CD81: variants seen among roughly 807,000 people sequenced by gnomAD.
CD81 encodes CD81 molecule.
Under a neutral mutation model 30.1 loss-of-function variants are expected in CD81, and 10 were observed. The ratio of observed to expected loss-of-function variants is 0.33; its 90% CI spans 0.21 to 0.56. The LOEUF (loss-of-function observed/expected upper bound fraction) is 0.56, where lower values mean the gene tolerates loss of function less well. CD81 is among the 20% of genes least tolerant of loss of function. CD81 has a pLI of 0.89. For synonymous variants in CD81, 147 were observed against 126.4 expected (o/e 1.16, Z -1.10); for missense variants, 263 against 308.7 (o/e 0.85, Z 1.11).
chr11:2,390,165 C>T, intron 1 of CD81: 1 of 608,384 alleles, frequency 1.6e-6, no homozygotes. Context: ...CAGTCCTGCC[C>T]TGGAGTCACA....
At position 2,377,636 on chromosome 11, in the gene CD81, CG is replaced by C. The variant is rs1189585066; in HGVS notation, c.66+25del. 3 of 1,485,502 alleles carry C rather than the reference CG, an allele frequency of 2.0e-6. No individual in the cohort carries two copies. The highest frequency in any genetic ancestry group is 1.9e-5 in the Admixed American group (1 of 53,102). The allele number at this position is 1,485,502 out of a possible 1,614,324, so 92.0% of individuals were successfully genotyped here. ...TCTGGGTAAGGGCTGCGCCGGGGGCCGGGGCGGGAGGGGGCAGGCACACACT... is the reference window on the plus strand; with the variant it reads ...TCTGGGTAAGGGCTGCGCCGGGGGCCGGGCGGGAGGGGGCAGGCACACACT... On this transcript the variant is annotated intron_variant, in intron 1 of 7. Transcript: ENST00000263645. The surrounding 1 kb of genome is among the most constrained non-coding windows in gnomAD (Gnocchi z 7.7).
intron 1 of CD81, chr11:2,379,028 C>T (rs1190933528): frequency 9.9e-6 from 4 of 404,668 alleles, no homozygotes; most frequent in East Asian, 7.3e-5. Flanking sequence ...CTGTGGCCTT[C>T]GGCACTGCCC....
intron 1 of CD81, among the ~76,000 whole-genome samples, chr11:2,388,353 G>A (rs1849833592): frequency 6.6e-6 from 1 of 152,148 alleles, no homozygotes. Context: ...ACCCTAGACC[G>A]GCCTGACCGG....
intron 1 of CD81, among the ~76,000 whole-genome samples, chr11:2,383,593 G>T (rs1589846737): frequency 6.6e-6 from 1 of 152,182 alleles, no homozygotes; most frequent in African/African-American, 2.4e-5. Context: ...TGGCTGAGCC[G>T]AATGGGCACT....
chr11:2,395,512 C>A lies in CD81; in HGVS notation c.451C>A (p.His151Asn). The A allele has an allele frequency of 6.2e-7, 1 of 1,612,274 alleles. No individual in the cohort carries two copies. The highest frequency in any genetic ancestry group is 8.5e-7 in the Non-Finnish European group (1 of 1,179,546). ...NNAKAVVKTFHETLDCCGSST... is the reference protein window; with the variant it reads ...NNAKAVVKTFNETLDCCGSST... ...CGCCAAGGCTGTGGTGAAGACCTTC[C>A]ACGAGACGGTGCGGCCCCGGGGGGC... is the stretch of plus-strand genomic sequence containing the variant. Residue 151 changes from histidine (H) to asparagine (N), a missense_variant, in exon 5 of 8, where the codon CAC (histidine) becomes AAC (asparagine). Physicochemically the swap from His to Asn is moderately conservative, Grantham distance 68 (BLOSUM62 1). Around this residue, in one of 3 missense-constraint regions of CD81, gnomAD observed 176 missense variants for 192.9 expected, o/e 0.91. Coordinates refer to ENST00000263645, the MANE Select transcript of CD81 (RefSeq NM_004356.4).
intron 6 of CD81, 154 bp from the exon 7 acceptor site, chr11:2,396,474 T>C (rs1322432017): frequency 1.8e-5 from 13 of 727,124 alleles, no homozygotes; most frequent in Non-Finnish European, 3.2e-5. Flanking sequence ...GCCGGGCCGC[T>C]GCACCCGCCT....
At chr11:2,387,163 G>A (rs1338664071) in intron 1 of CD81, among the ~76,000 whole-genome samples, 1 of 152,184 alleles carries the variant, frequency 6.6e-6, no homozygotes, top group Non-Finnish European at 1.5e-5. Flanking sequence ...GGGGGTGGAT[G>A]GGCCTCTACA....
chr11:2,394,754 G>A (rs1258567532), intron 3 of CD81: 3 of 631,714 alleles, frequency 4.7e-6, no homozygotes, highest in Non-Finnish European at 5.8e-6. Context: ...GCCTGGTGCC[G>A]CGTGGGGACA....
At chr11:2,396,053 G>A in intron 6 of CD81, 83 bp downstream of exon 6, 3 of 809,026 alleles carry the variant, frequency 3.7e-6, no homozygotes, top group Non-Finnish European at 6.0e-6. Flanking sequence ...AGGTCACACG[G>A]CAGCCCCACA....
At position 2,395,284 on chromosome 11, in the gene CD81, C is replaced by T. The variant is rs1849975731; in HGVS notation, c.355-132C>T. ...GCAGCTGAGAGTGCAGAGTCCTTGTCCTCTGGGGTCTAGCCTCGAAGCCAC... is the reference window on the plus strand; with the variant it reads ...GCAGCTGAGAGTGCAGAGTCCTTGTTCTCTGGGGTCTAGCCTCGAAGCCAC... On this transcript the variant is annotated intron_variant, in intron 4 of 7. Coordinates refer to ENST00000263645, the MANE Select transcript of CD81 (RefSeq NM_004356.4). The T allele has an allele frequency of 7.6e-6, 6 of 792,014 alleles. No individual in the cohort carries two copies. The South Asian group carries it at 8.9e-5, about 12-fold the overall frequency. The allele number at this position is 792,014 out of a possible 1,614,324, so 49.1% of individuals were successfully genotyped here.
At chr11:2,395,835 TC>T in intron 5 of CD81, 33 bp from the exon 6 acceptor site, 1 of 1,468,186 alleles carries the variant, frequency 6.8e-7, no homozygotes, top group Non-Finnish European at 9.5e-7. Flanking sequence ...CCTGGGCACA[TC>T]CAGGGCTGAC....
intron 2 of CD81, chr11:2,391,799 C>G (rs1410274274): frequency 6.6e-6 from 1 of 152,244 alleles, no homozygotes; most frequent in Non-Finnish European, 1.5e-5. Context: ...GCGCTCCTGC[C>G]TGTGTCCTCA....
At chr11:2,391,087 TGGAGGAGGAGGAGGGGAGGGGCAAGGCCA>T (rs1849891284) in intron 2 of CD81, 2 of 206,500 alleles carry the variant, frequency 9.7e-6, no homozygotes, top group South Asian at 1.7e-4. Context: ...GCAGGAGTGA[TGGAGGAGGAGGAGGGGAGGGGCAAGGCCA>T]GGAGGAGGAG....
intron 2 of CD81, among the ~76,000 whole-genome samples, chr11:2,390,859 G>T (rs186559480): frequency 0.014 from 2,057 of 152,058 alleles, 26 homozygotes; most frequent in Non-Finnish European, 0.021. Flanking sequence ...CAGAGCAGCC[G>T]AGGCAGCTGG....
intron 5 of CD81, 52 bp downstream of exon 5, chr11:2,395,572 G>C (rs1291919056): frequency 4.3e-6 from 6 of 1,404,118 alleles, no homozygotes; most frequent in Non-Finnish European, 6.0e-6. Flanking sequence ...AACCCGGCGG[G>C]GTGTGTCTCG....
chr11:2,393,844 G>A (rs1215399140), intron 2 of CD81: 15 of 659,654 alleles, frequency 2.3e-5, no homozygotes, highest in South Asian at 1.5e-4. Context: ...CACTCAGAGC[G>A]CTCATGAGGT....
chr11:2,394,900 C>T, intron 3 of CD81, 72 bp from the exon 4 acceptor site: 3 of 1,396,264 alleles, frequency 2.1e-6, no homozygotes, highest in Non-Finnish European at 3.0e-6. Context: ...CTGCTGGGCA[C>T]CTGGGTGTGT....
rs1850014019 is a variant in CD81 at position 2,396,687 on chromosome 11, T to C, written c.621T>C (p.Ile207=). ...LFSGKLYLIG[I]AAIVVAVIMI... ...CCGGGAAGCTGTACCTCATCGGCATTGCTGCCATCGTGGTCGCTGTGATCA... is the reference window on the plus strand; with the variant it reads ...CCGGGAAGCTGTACCTCATCGGCATCGCTGCCATCGTGGTCGCTGTGATCA... Residue 207 remains isoleucine, a synonymous_variant, in exon 7 of 8, where the codon ATT becomes ATC. Coordinates refer to ENST00000263645, the MANE Select transcript of CD81 (RefSeq NM_004356.4). 2 of 1,611,798 alleles carry C rather than the reference T, an allele frequency of 1.2e-6. No homozygotes were observed. The highest frequency in any genetic ancestry group is 1.7e-5 in the Admixed American group (1 of 60,014).
chr11:2,395,139 TG>T (rs2133464351), intron 4 of CD81, 93 bp downstream of exon 4: 1 of 1,076,646 alleles, frequency 9.3e-7, no homozygotes, highest in Admixed American at 1.8e-5. Context: ...TCATGGCTTG[TG>T]GGAGCTCTTT....
Sources: allele counts gnomAD v4.1 joint callset (sites outside exome capture counted in the v4.1 genomes callset), GRCh38; gene constraint gnomAD v4.1.1; regional missense constraint gnomAD v4.1.1; non-coding constraint Gnocchi (gnomAD v3.1); transcripts MANE v1.5; gene names NCBI Gene and HGNC (gene_info 2026-07-23, HGNC 2026-07-21).